SPTBN1: variants seen among roughly 807,000 people sequenced by gnomAD.
The protein encoded by SPTBN1 is spectrin beta, non-erythrocytic 1, also known as spectrin beta chain, non-erythrocytic 1.
In SPTBN1, 32 loss-of-function variants were observed where a neutral mutation model predicts 266.4. That is an observed-to-expected ratio of 0.12 (90% CI 0.09 to 0.16). The LOEUF (loss-of-function observed/expected upper bound fraction) is 0.16. SPTBN1 is among the 10% of genes least tolerant of loss of function. The probability of loss-of-function intolerance (pLI) is 1.00; values close to 1 mark genes in which losing one functional copy is unlikely to be tolerated. For synonymous variants in SPTBN1, 1,336 were observed against 1,162.2 expected (o/e 1.15, Z -3.04); for missense variants, 2,296 against 3,067.1 (o/e 0.75, Z 5.94).
chr2:54,587,586 A>G (rs964797371), intron 2 of SPTBN1, among the ~76,000 whole-genome samples: 1 of 152,122 alleles, frequency 6.6e-6, no homozygotes, highest in Non-Finnish European at 1.5e-5. Context: ...CCTTCCATGG[A>G]GGACTGGAGG....
chr2:54,575,363 C>G (rs1461500187), intron 2 of SPTBN1, among the ~76,000 whole-genome samples: 3 of 152,140 alleles, frequency 2.0e-5, no homozygotes, highest in African/African-American at 7.2e-5. Context: ...TCTGATAAAG[C>G]TTTTGCTATT....
At chr2:54,654,980 G>T in intron 27 of SPTBN1, 90 bp from the exon 28 acceptor site, 1 of 1,038,342 alleles carries the variant, frequency 9.6e-7, no homozygotes, top group Non-Finnish European at 1.4e-6. Flanking sequence ...AAGGCCATCA[G>T]TTTCTTTCAA....
rs1461986195 is a variant in SPTBN1, at chr2:54,622,368, G to A, written c.945G>A (p.Leu315=). The change falls in exon 9 of 36, where the codon CTG becomes CTA. Residue 315 remains leucine (L), a synonymous_variant. Transcript: ENST00000356805. ...ATGAATCACTTGCCTCTGACCTTCT[G>A]GAATGGATTGAACAAACCATCATCA... ...EKYESLASDL[L]EWIEQTIIIL... is the part of the protein sequence containing the mutation. 1 of 1,614,182 alleles carries A rather than the reference G, an allele frequency of 6.2e-7. No individual in the cohort carries two copies. Among genetic ancestry groups the A allele is most frequent in the East Asian group, 2.2e-5 (1 of 44,890 alleles).
intron 2 of SPTBN1, among the ~76,000 whole-genome samples, chr2:54,593,823 C>CTTTTTTTTTTTTTTTTTTT (rs374877354): frequency 1.5e-5 from 1 of 64,782 alleles, no homozygotes; most frequent in Non-Finnish European, 2.7e-5. Flanking sequence ...CATGGAAACA[C>CTTTTTTTTTTTTTTTTTTT]TTTTTTTTTT....
At chr2:54,478,398 A>C (rs1667946561) in intron 1 of SPTBN1, among the ~76,000 whole-genome samples, 1 of 152,088 alleles carries the variant, frequency 6.6e-6, no homozygotes, top group South Asian at 2.1e-4. Context: ...GACCTGGTCA[A>C]ATGTTGGGGA....
intron 24 of SPTBN1, 151 bp from the exon 25 acceptor site, chr2:54,648,835 T>G (rs112374197): frequency 6.5e-6 from 5 of 769,244 alleles, no homozygotes; most frequent in African/African-American, 5.3e-5. Flanking sequence ...TTTCAGAATT[T>G]TATTTTTCAT....
chr2:54,467,834 C>T (rs115140949), intron 1 of SPTBN1, among the ~76,000 whole-genome samples: 56 of 151,468 alleles, frequency 3.7e-4, no homozygotes, highest in Admixed American at 1.8e-3. Flanking sequence ...AGACTATATA[C>T]CATCATAAAG....
chr2:54,617,359 G>A (rs1030186203), intron 5 of SPTBN1, among the ~76,000 whole-genome samples: 1 of 152,164 alleles, frequency 6.6e-6, no homozygotes, highest in African/African-American at 2.4e-5. Context: ...TTAAATCTAC[G>A]ACACAGTTCA....
In SPTBN1 at chr2:54,649,205, C is replaced by T; in HGVS notation, c.5202+15C>T. On this transcript the variant is annotated intron_variant, in intron 25 of 35. Coordinates refer to ENST00000356805, the MANE Select transcript of SPTBN1 (RefSeq NM_003128.3). The surrounding 1 kb of genome is among the most constrained non-coding windows in gnomAD (Gnocchi z 6.7). ...AGCATGTCACGGCAAGTACTTGAGG[C>T]AGTGCATGAGTTGGTTGTGCAGTAA... The T allele has an allele frequency of 6.3e-7, 1 of 1,586,404 alleles. No individual in the cohort carries two copies. The highest frequency in any genetic ancestry group is 1.1e-5 in the South Asian group (1 of 89,132).
chr2:54,481,951 G>A (rs888931464), intron 1 of SPTBN1, among the ~76,000 whole-genome samples: 19 of 152,166 alleles, frequency 1.2e-4, no homozygotes, highest in African/African-American at 4.3e-4. Context: ...TCTTTTCTGA[G>A]CTGTCTCTTT....
At chr2:54,621,574 TC>T in intron 8 of SPTBN1, 62 bp downstream of exon 8, 1 of 1,355,756 alleles carries the variant, frequency 7.4e-7, no homozygotes, top group Non-Finnish European at 1.1e-6. Context: ...GCCCTCATTC[TC>T]CCATGCACTC....
chr2:54,667,057 G>A (rs145055697), intron 34 of SPTBN1, among the ~76,000 whole-genome samples: 55 of 152,288 alleles, frequency 3.6e-4, no homozygotes, highest in South Asian at 2.1e-3. Context: ...CGTCCTCTCC[G>A]CAGCCACAGA....
rs780458929 is a variant in SPTBN1, at chr2:54,544,231, C to G, written c.148+17665C>G. Among the ~76,000 whole-genome samples the G allele has an allele frequency of 1.1e-3, 171 of 152,274 alleles. No homozygotes were observed. In the Middle Eastern group the frequency reaches 0.02, roughly 18 times the overall value. ...AAATCAGAGGCTTCTGGGTTCCAGG[C>G]AGTAATTGAAAGCTTCTGATGCCTA... On this transcript the variant is annotated intron_variant, in intron 2 of 35. Coordinates refer to ENST00000356805, the MANE Select transcript of SPTBN1 (RefSeq NM_003128.3).
intron 1 of SPTBN1, among the ~76,000 whole-genome samples, chr2:54,472,581 G>T (rs560812290): frequency 2.4e-4 from 37 of 151,990 alleles, no homozygotes; most frequent in African/African-American, 8.4e-4. Context: ...CAATAGAAAG[G>T]CTTGTTTTTT....
intron 1 of SPTBN1, among the ~76,000 whole-genome samples, chr2:54,522,657 A>AGGAGAGAGAGAGAGAG (rs1245688322): frequency 2.7e-4 from 24 of 89,474 alleles, no homozygotes; most frequent in South Asian, 7.1e-4. Flanking sequence ...AGAGAGAGAG[A>AGGAGAGAGAGAGAGAG]AAGAGAGAGA....
rs1680109987 is a variant in SPTBN1, at chr2:54,649,223, T to C, written c.5202+33T>C. 5 of 1,568,732 alleles carry C rather than the reference T, an allele frequency of 3.2e-6. No individual in the cohort carries two copies. Among genetic ancestry groups the C allele is most frequent in the Non-Finnish European group, 4.3e-6 (5 of 1,150,590 alleles). ...CTTGAGGCAGTGCATGAGTTGGTTG[T>C]GCAGTAAGCGATGGTGTGGAAGGCC... On this transcript the variant is annotated intron_variant, in intron 25 of 35. Transcript: ENST00000356805. This position sits in a 1 kb window ranked among gnomAD's most constrained non-coding sequence, Gnocchi z 6.7.
chr2:54,574,694 G>A (rs1056509824), intron 2 of SPTBN1, among the ~76,000 whole-genome samples: 2 of 152,190 alleles, frequency 1.3e-5, no homozygotes, highest in Non-Finnish European at 2.9e-5. Context: ...GATCCCATGA[G>A]AGCTCGATCA....
chr2:54,558,842 C>T lies in SPTBN1; in HGVS notation c.148+32276C>T. Reference sequence around the variant, plus strand: ...GTCGCCGGCGTACACGGGGCAGGTGCCTTACAACTACAACCAGCTGGAAGG... The same window carrying T: ...GTCGCCGGCGTACACGGGGCAGGTGTCTTACAACTACAACCAGCTGGAAGG... On this transcript the variant is annotated intron_variant, in intron 2 of 35. Coordinates refer to ENST00000356805, the MANE Select transcript of SPTBN1 (RefSeq NM_003128.3). The surrounding 1 kb of genome is among the most constrained non-coding windows in gnomAD (Gnocchi z 4.6). 1 of 1,613,892 alleles carries T rather than the reference C, an allele frequency of 6.2e-7. No individual in the cohort carries two copies. Among genetic ancestry groups the T allele is most frequent in the Non-Finnish European group, 8.5e-7 (1 of 1,179,862 alleles).
Position 54,664,427 on chromosome 2 carries a change from C to A in SPTBN1, c.6421-26C>A. 6.3e-7 allele frequency: 1 copy of A among 1,599,518 alleles called. No individual in the cohort carries two copies. Among genetic ancestry groups the A allele is most frequent in the Non-Finnish European group, 8.6e-7 (1 of 1,168,718 alleles). Reference sequence around the variant, plus strand: ...TCACCCCCATGGCTCACGGAGTTAGCTGAATGGCCTCTCCGCTGTCCCTAG... The same window carrying A: ...TCACCCCCATGGCTCACGGAGTTAGATGAATGGCCTCTCCGCTGTCCCTAG... On this transcript the variant is annotated intron_variant, in intron 32 of 35. Transcript: ENST00000356805. The surrounding 1 kb of genome is among the most constrained non-coding windows in gnomAD (Gnocchi z 5.6).
Sources: allele counts gnomAD v4.1 joint callset (sites outside exome capture counted in the v4.1 genomes callset), GRCh38; gene constraint gnomAD v4.1.1; non-coding constraint Gnocchi (gnomAD v3.1); transcripts MANE v1.5; gene names NCBI Gene and HGNC (gene_info 2026-07-23, HGNC 2026-07-21).